The following AMIGO2 variants were observed in gnomAD, a reference collection of about 807,000 sequenced individuals.
AMIGO2 encodes the protein amphoterin-induced protein 2.
A neutral mutation model predicts 23.7 loss-of-function variants in AMIGO2; 15 were observed. The ratio of observed to expected loss-of-function variants is 0.63; its 90% CI spans 0.42 to 0.98. AMIGO2 has a LOEUF of 0.98. Among genes scored for constraint, AMIGO2 ranks in the 50% least tolerant of loss-of-function variants. AMIGO2 has a pLI of 0.00. For synonymous variants in AMIGO2, 264 were observed against 252.3 expected (o/e 1.05, Z -0.44); for missense variants, 561 against 633.1 (o/e 0.89, Z 1.22).
rs1268736382 is a variant in AMIGO2 at position 47,077,560 on chromosome 12, C to T, written c.1443G>A (p.Gly481=). ...PLKDTAAGQN[G]KVRLFPSEAV... ...CCTCGCTGGGAAAGAGCCTGACTTT[C>T]CCGTTCTGCCCTGCTGCAGTATCCT... The change falls in exon 3 of 3, where the codon GGG becomes GGA. Residue 481 remains glycine (G), a synonymous_variant. Transcript: ENST00000550413. 1.2e-6 allele frequency: 2 copies of T among 1,614,224 alleles called. No individual in the cohort carries two copies. Among genetic ancestry groups the T allele is most frequent in the Non-Finnish European group, 1.7e-6 (2 of 1,180,036 alleles).
rs749676527 is a variant in AMIGO2, at chr12:47,077,973, G to T, written c.1030C>A (p.His344Asn). 2 of 1,613,704 alleles carry T rather than the reference G, an allele frequency of 1.2e-6. No individual in the cohort carries two copies. Among genetic ancestry groups the T allele is most frequent in the East Asian group, 2.2e-5 (1 of 44,882 alleles). ...CTTTCTATAACCAGACTTCCATTGT[G>T]AAACACGTAAAAGTTTTCCATCTCT... ...DKEMENFYVFHNGSLVIESPR... is the reference protein window; with the variant it reads ...DKEMENFYVFNNGSLVIESPR... The change falls in exon 3 of 3, where the codon CAC becomes AAC. Residue 344 changes from histidine to asparagine, a missense_variant. By Grantham distance (68) the His-to-Asn change is moderately conservative (BLOSUM62 1). Transcript: ENST00000550413.
At position 47,077,764 on chromosome 12, in the gene AMIGO2, T is replaced by A. The variant is rs768808222; in HGVS notation, c.1239A>T (p.Val413=). The change falls in exon 3 of 3, where the codon GTA becomes GTT. Residue 413 remains valine (V), a synonymous_variant. Transcript: ENST00000550413. ...ATGGAGTCAGATAGAGGTACAAAAG[T>A]ACCAAAACGATACTGGCCACGCAAG... ...LAACVASIVL[V]LLYLYLTPCP... 2.5e-6 allele frequency: 4 copies of A among 1,614,150 alleles called. No individual in the cohort carries two copies. In the Admixed American group the frequency reaches 6.7e-5, roughly 27 times the overall value.
downstream of AMIGO2, chr12:47,075,851 C>A (rs1941849442): frequency 6.6e-6 from 1 of 152,106 alleles, no homozygotes; most frequent in Non-Finnish European, 1.5e-5. Flanking sequence ...ATGTTTTGAT[C>A]ACTTTTTTAT....
Position 47,077,902 on chromosome 12 carries a change from A to C in AMIGO2, c.1101T>G (p.Asn367Lys). 6.2e-7 allele frequency: 1 copy of C among 1,614,142 alleles called. No homozygotes were observed. Residue 367 changes from asparagine (N) to lysine (K), a missense_variant, in exon 3 of 3, where the codon AAT (asparagine) becomes AAG (lysine). Transcript: ENST00000550413. ...CAGTTTCATTTAACAGGCGTTGCTT[A>C]TTCATTGCGATACAAGAATACACTC... ...DAGVYSCIAM[N>K]KQRLLNETVD...
rs1468701360 is a variant in AMIGO2 at position 47,077,995 on chromosome 12, C to A, written c.1008G>T (p.Glu336Asp). The change falls in exon 3 of 3, where the codon GAG becomes GAT. Residue 336 changes from glutamate (E) to aspartate (D), a missense_variant. Transcript: ENST00000550413. Reference sequence around the variant, plus strand: ...TGTGAAACACGTAAAAGTTTTCCATCTCTTTATCCGGCTCTAGCAGTCTGT... The same window carrying A: ...TGTGAAACACGTAAAAGTTTTCCATATCTTTATCCGGCTCTAGCAGTCTGT... ...PDNRLLEPDK[E>D]MENFYVFHNG... 6.2e-7 allele frequency: 1 copy of A among 1,613,924 alleles called. No individual in the cohort carries two copies. Among genetic ancestry groups the A allele is most frequent in the East Asian group, 2.2e-5 (1 of 44,882 alleles).
downstream of AMIGO2, chr12:47,075,714 A>G (rs1191225702): frequency 6.6e-6 from 1 of 152,174 alleles, no homozygotes; most frequent in Non-Finnish European, 1.5e-5. Context: ...CATTACTACC[A>G]GTCAGTGGTT....
rs751474565 is a variant in AMIGO2, at chr12:47,077,454, G to A, written c.1549C>T (p.Pro517Ser). The change falls in exon 3 of 3, where the codon CCT becomes TCT. Residue 517 changes from proline to serine, a missense_variant. Transcript: ENST00000550413. ...DSVNSVFSDT[P>S]FVAST ...ACAAATTAAGTGGACGCCACAAAAGGTGTGTCAGAAAACACTGAATTGACT... is the reference window on the plus strand; with the variant it reads ...ACAAATTAAGTGGACGCCACAAAAGATGTGTCAGAAAACACTGAATTGACT... The A allele has an allele frequency of 1.5e-5, 25 of 1,612,982 alleles. No individual in the cohort carries two copies. In the Middle Eastern group the frequency reaches 4.9e-4, roughly 32 times the overall value.
rs1165254149 is a variant in AMIGO2, at chr12:47,079,885, G to T, written c.-594C>A. Reference sequence around the variant, plus strand: ...GGACCCGGGGTTCCCGCGCGCCCGGGGCCGGGAGACGGGCTGGGGCGCCGG... The same window carrying T: ...GGACCCGGGGTTCCCGCGCGCCCGGTGCCGGGAGACGGGCTGGGGCGCCGG... On this transcript the variant is annotated 5_prime_UTR_variant, in exon 1 of 3. Transcript: ENST00000550413. The T allele has an allele frequency of 6.6e-6, 1 of 150,770 alleles. No individual in the cohort carries two copies. Among genetic ancestry groups the T allele is most frequent in the African/African-American group, 2.4e-5 (1 of 41,290 alleles). 9.3% of individuals were successfully genotyped at this position (150,770 alleles called of 1,614,324 possible).
In AMIGO2 at chr12:47,078,034, C is replaced by T; in HGVS notation, c.969G>A (p.Trp323Ter). 6.2e-7 allele frequency: 1 copy of T among 1,614,010 alleles called. No homozygotes were observed. The highest frequency in any genetic ancestry group is 8.5e-7 in the Non-Finnish European group (1 of 1,180,020). Residue 323 changes from tryptophan (W) to a stop codon, truncating the protein, a stop_gained, in exon 3 of 3, where the codon TGG (tryptophan) becomes TGA (stop). Transcript: ENST00000550413. LOFTEE classifies it high-confidence loss of function. The stretch of plus-strand genomic sequence containing the variant: ...CTAGCAGTCTGTTATCTGGACCCAC[C>T]CAGATGAAATCCGTATTTGCATTAC... ...KTGNANTDFI[W>*]VGPDNRLLEP...
rs753370490 is a variant in AMIGO2, at chr12:47,078,859, G to C, written c.144C>G (p.Ala48=). The C allele has an allele frequency of 6.2e-6, 10 of 1,614,100 alleles. No homozygotes were observed. The African/African-American group carries it at 1.2e-4, about 19-fold the overall frequency. ...SGVCPTACIC[A]TDIVSCTNKN... ...TGTTGGTGCAGCTGACGATGTCAGT[G>C]GCACAGATGCAAGCGGTGGGGCACA... The change falls in exon 3 of 3, where the codon GCC becomes GCG. Residue 48 remains alanine, a synonymous_variant. Transcript: ENST00000550413.
chr12:47,078,003 C>G lies in AMIGO2; in HGVS notation c.1000G>C (p.Asp334His). Residue 334 changes from aspartate (D) to histidine (H), a missense_variant, in exon 3 of 3, where the codon GAT (aspartate) becomes CAT (histidine). Transcript: ENST00000550413. ...VGPDNRLLEP[D>H]KEMENFYVFH... Reference sequence around the variant, plus strand: ...ACGTAAAAGTTTTCCATCTCTTTATCCGGCTCTAGCAGTCTGTTATCTGGA... The same window carrying G: ...ACGTAAAAGTTTTCCATCTCTTTATGCGGCTCTAGCAGTCTGTTATCTGGA... 6.2e-7 allele frequency: 1 copy of G among 1,613,958 alleles called. No individual in the cohort carries two copies. Among genetic ancestry groups the G allele is most frequent in the Non-Finnish European group, 8.5e-7 (1 of 1,180,044 alleles).
chr12:47,078,431 A>G lies in AMIGO2; in HGVS notation c.572T>C (p.Leu191Pro), dbSNP rs898257236. ...PMDLYVGRFKLAELMFLDVSY... is the reference protein window; with the variant it reads ...PMDLYVGRFKPAELMFLDVSY... ...AACATCTAAAAACATCAGTTCTGCC[A>G]GCTTGAACCTTCCAACATACAAATC... The change falls in exon 3 of 3, where the codon CTG (leucine) becomes CCG (proline). Residue 191 changes from leucine to proline, a missense_variant. Coordinates refer to ENST00000550413, the MANE Select transcript of AMIGO2 (RefSeq NM_001370299.1). The G allele has an allele frequency of 1.2e-6, 2 of 1,614,100 alleles. No homozygotes were observed. Among genetic ancestry groups the G allele is most frequent in the Non-Finnish European group, 8.5e-7 (1 of 1,180,044 alleles).
rs1299599348 is a variant in AMIGO2, at chr12:47,078,362, A to G, written c.641T>C (p.Leu214Ser). ...GCCTCTCAGCTGTTTTCCTGGCACTAAATTTATGTGGTGCATTGGCATGGA... is the reference window on the plus strand; with the variant it reads ...GCCTCTCAGCTGTTTTCCTGGCACTGAATTTATGTGGTGCATTGGCATGGA... ...IPSMPMHHIN[L>S]VPGKQLRGIY... The change falls in exon 3 of 3, where the codon TTA (leucine) becomes TCA (serine). Residue 214 changes from leucine to serine, a missense_variant. Coordinates refer to ENST00000550413, the MANE Select transcript of AMIGO2 (RefSeq NM_001370299.1). 6.2e-7 allele frequency: 1 copy of G among 1,613,836 alleles called. No individual in the cohort carries two copies. Among genetic ancestry groups the G allele is most frequent in the Admixed American group, 1.7e-5 (1 of 60,002 alleles).
chr12:47,077,609 C>T lies in AMIGO2; in HGVS notation c.1394G>A (p.Arg465Lys), dbSNP rs1411505965. The T allele has an allele frequency of 3.1e-6, 5 of 1,614,238 alleles. No individual in the cohort carries two copies. In the Admixed American group the frequency reaches 5.0e-5, roughly 16 times the overall value. The change falls in exon 3 of 3, where the codon AGA (arginine) becomes AAA (lysine). Residue 465 changes from arginine to lysine, a missense_variant. By Grantham distance (26) the Arg-to-Lys change is conservative. Coordinates refer to ENST00000550413, the MANE Select transcript of AMIGO2 (RefSeq NM_001370299.1). ...CTTCAGGGGTTCCAAAAACACCACTCTTTTACCTGCACCTGCCTTCCGTTC... is the reference window on the plus strand; with the variant it reads ...CTTCAGGGGTTCCAAAAACACCACTTTTTTACCTGCACCTGCCTTCCGTTC... ...ADERKAGAGKRVVFLEPLKDT... is the reference protein window; with the variant it reads ...ADERKAGAGKKVVFLEPLKDT...
At position 47,077,288 on chromosome 12, in the gene AMIGO2, T is replaced by C; in HGVS notation, c.*146A>G. 1 of 1,183,100 alleles carries C rather than the reference T, an allele frequency of 8.5e-7. No homozygotes were observed. The highest frequency in any genetic ancestry group is 1.1e-6 in the Non-Finnish European group (1 of 870,390). 73.3% of individuals were successfully genotyped at this position (1,183,100 alleles called of 1,614,324 possible). The stretch of plus-strand genomic sequence containing the variant: ...TGAGGAACTGAAGTACTTTACCTCA[T>C]TTCCTACCAATCATTTTAAGAGAAT... On this transcript the variant is annotated 3_prime_UTR_variant, in exon 3 of 3. Transcript: ENST00000550413.
At position 47,078,040 on chromosome 12, in the gene AMIGO2, G is replaced by A; in HGVS notation, c.963C>T (p.Phe321=). The A allele has an allele frequency of 6.2e-7, 1 of 1,614,088 alleles. No individual in the cohort carries two copies. Among genetic ancestry groups the A allele is most frequent in the South Asian group, 1.1e-5 (1 of 91,082 alleles). The change falls in exon 3 of 3, where the codon TTC becomes TTT. Residue 321 remains phenylalanine, a synonymous_variant. Transcript: ENST00000550413. ...DSKTGNANTD[F]IWVGPDNRLL... is the part of the protein sequence containing the mutation. ...GTCTGTTATCTGGACCCACCCAGATGAAATCCGTATTTGCATTACCTGTCT... is the reference window on the plus strand; with the variant it reads ...GTCTGTTATCTGGACCCACCCAGATAAAATCCGTATTTGCATTACCTGTCT...
rs769397067 is a variant in AMIGO2, at chr12:47,076,612, G to T, written c.*822C>A. On this transcript the variant is annotated 3_prime_UTR_variant, in exon 3 of 3. Transcript: ENST00000550413. ...CAAATGTCCAAAGCACAGTACAGTA[G>T]GGTCTATTTAATAGTTCACATAATT... 2 of 152,592 alleles carry T rather than the reference G, an allele frequency of 1.3e-5. No homozygotes were observed. Among genetic ancestry groups the T allele is most frequent in the Admixed American group, 1.3e-4 (2 of 15,272 alleles). The allele number at this position is 152,592 out of a possible 1,614,324, so 9.5% of individuals were successfully genotyped here. A position where few individuals can be genotyped will look rare whatever the true frequency, so the allele number is the denominator to read the frequency against.
In AMIGO2 at chr12:47,076,564, G is replaced by A. The variant is rs1427928891; in HGVS notation, c.*870C>T. 6.6e-6 allele frequency: 1 copy of A among 152,582 alleles called. No homozygotes were observed. Among genetic ancestry groups the A allele is most frequent in the East Asian group, 1.9e-4 (1 of 5,196 alleles). 9.5% of individuals were successfully genotyped at this position (152,582 alleles called of 1,614,324 possible). On this transcript the variant is annotated 3_prime_UTR_variant, in exon 3 of 3. Transcript: ENST00000550413. ...AAATAAAACAAAATATCAAGTCACA[G>A]ATTACATATATTTACATTAATTCAA...
At position 47,077,400 on chromosome 12, in the gene AMIGO2, T is replaced by C. The variant is rs773784770; in HGVS notation, c.*34A>G. ...ACACACAAAGTTAAATATGAACAGA[T>C]TAAATTATGACATCATACAAATATA... is the stretch of plus-strand genomic sequence containing the variant. On this transcript the variant is annotated 3_prime_UTR_variant, in exon 3 of 3. Transcript: ENST00000550413. 4.4e-6 allele frequency: 7 copies of C among 1,585,860 alleles called. No homozygotes were observed. The Admixed American group carries it at 1.2e-4, about 27-fold the overall frequency.
Sources: allele counts gnomAD v4.1 joint callset, GRCh38; gene constraint gnomAD v4.1.1; transcripts MANE v1.5; gene names NCBI Gene and HGNC (gene_info 2026-07-23, HGNC 2026-07-21).